The following ADGRE5 variants were observed in gnomAD, a reference collection of about 807,000 sequenced individuals.
ADGRE5 encodes the protein adhesion G protein-coupled receptor E5.
A neutral mutation model predicts 100.3 loss-of-function variants in ADGRE5; 72 were observed. That is an observed-to-expected ratio of 0.72 (90% CI 0.59 to 0.87). The LOEUF is 0.87. Ranked by LOEUF, ADGRE5 falls within the 40% of genes least tolerant of loss-of-function variation. The probability of loss-of-function intolerance (pLI) is 0.00; values close to 1 mark genes in which losing one functional copy is unlikely to be tolerated. For missense variants in ADGRE5, 959 were observed against 1,094.7 expected, an observed-to-expected ratio of 0.88 and a Z score of 1.75; for synonymous variants, 439 against 447.8, an observed-to-expected ratio of 0.98 and a Z score of 0.25.
At chr19:14,404,312 A>G in intron 12 of ADGRE5, 71 bp from the exon 13 acceptor site, 14 of 1,434,346 alleles carry the variant, frequency 9.8e-6, no homozygotes, top group Non-Finnish European at 1.2e-5. Context: ...GCCCTCTTAG[A>G]CTCAGCCCAA....
At position 14,390,949 on chromosome 19, in the gene ADGRE5, G is replaced by A. The variant is rs367810226; in HGVS notation, c.216G>A (p.Ser72=). 1.7e-5 allele frequency: 27 copies of A among 1,614,194 alleles called. No homozygotes were observed. The African/African-American group carries it at 2.7e-4, about 16-fold the overall frequency. ...ACATCAACGAGTGTGCAACACCGTCGAAAGTGTCATGCGGAAAATTCTCGG... is the reference window on the plus strand; with the variant it reads ...ACATCAACGAGTGTGCAACACCGTCAAAAGTGTCATGCGGAAAATTCTCGG... ...CDDINECATP[S]KVSCGKFSDC... Residue 72 remains serine, a synonymous_variant, in exon 4 of 20, where the codon TCG becomes TCA. Coordinates refer to ENST00000242786, the MANE Select transcript of ADGRE5 (RefSeq NM_078481.4).
At chr19:14,387,436 A>G (rs906114819) in intron 1 of ADGRE5, among the ~76,000 whole-genome samples, 4 of 152,084 alleles carry the variant, frequency 2.6e-5, no homozygotes, top group African/African-American at 9.7e-5. Context: ...TAATTTTTTG[A>G]ATTATTTTTA....
rs534111626 is a variant in ADGRE5, at chr19:14,397,337, C to T, written c.625+114C>T. ...GCTGGAGGCACCTGGCTGTGCCAGG[C>T]GTTCGTTCATTCTTCTGAGGCTAGA... On this transcript the variant is annotated intron_variant, in intron 6 of 19. Transcript: ENST00000242786. 1.4e-3 allele frequency: 2,081 copies of T among 1,527,704 alleles called. 1 individual carries two copies. Among genetic ancestry groups the T allele is most frequent in the Non-Finnish European group, 1.7e-3 (1,923 of 1,116,966 alleles). The allele number at this position is 1,527,704 out of a possible 1,614,324, so 94.6% of individuals were successfully genotyped here. A position where few individuals can be genotyped will look rare whatever the true frequency, so the allele number is the denominator to read the frequency against.
At chr19:14,398,250 C>T (rs1166545842) in intron 9 of ADGRE5, 111 bp downstream of exon 9, 1 of 906,536 alleles carries the variant, frequency 1.1e-6, no homozygotes, top group South Asian at 1.4e-5. Flanking sequence ...GTCAGAGACA[C>T]ACATGCGCAT....
chr19:14,388,603 C>A (rs2302091), intron 2 of ADGRE5, 99 bp from the exon 3 acceptor site: 6 of 1,605,428 alleles, frequency 3.7e-6, no homozygotes, highest in South Asian at 1.1e-5. Flanking sequence ...AGAGGGCTCG[C>A]GCACGAGAAA....
chr19:14,404,683 GC>G, intron 13 of ADGRE5, 121 bp downstream of exon 13: 1 of 948,738 alleles, frequency 1.1e-6, no homozygotes, highest in Non-Finnish European at 1.6e-6. Context: ...TGGTTGCACA[GC>G]CCAGGTGTCC....
chr19:14,392,668 C>T (rs1975641041), intron 4 of ADGRE5, among the ~76,000 whole-genome samples: 1 of 151,992 alleles, frequency 6.6e-6, no homozygotes, highest in African/African-American at 2.4e-5. Flanking sequence ...TCTGGGAGGC[C>T]GAGGCAGGTG....
At chr19:14,389,569 T>G (rs1202323025) in intron 3 of ADGRE5, among the ~76,000 whole-genome samples, 3 of 144,638 alleles carry the variant, frequency 2.1e-5, no homozygotes, top group Admixed American at 1.4e-4. Context: ...CTCCTCTCTA[T>G]ACTAAAAACA....
At position 14,408,709 on chromosome 19, in the gene ADGRE5, C is replaced by A; in HGVS notation, c.*588C>A. 2 of 581,384 alleles carry A rather than the reference C, an allele frequency of 3.4e-6. No homozygotes were observed. Among genetic ancestry groups the A allele is most frequent in the South Asian group, 2.9e-5 (1 of 34,964 alleles). 36.0% of individuals were successfully genotyped at this position (581,384 alleles called of 1,614,324 possible). ...TTCAGTGTTGACACTTAAAATTAAA[C>A]ACATGCATACAGAAGATGGCCTTGC... On this transcript the variant is annotated 3_prime_UTR_variant, in exon 20 of 20. Transcript: ENST00000242786.
In ADGRE5 at chr19:14,404,539, C is replaced by T; in HGVS notation, c.1606C>T (p.Leu536Phe). 1 of 1,613,136 alleles carries T rather than the reference C, an allele frequency of 6.2e-7. No individual in the cohort carries two copies. The highest frequency in any genetic ancestry group is 8.5e-7 in the Non-Finnish European group (1 of 1,179,622). ...QCSHLSSFAILMAHYDVEDWK... is the reference protein window; with the variant it reads ...QCSHLSSFAIFMAHYDVEDWK... ...CAGCCACCTGAGCAGCTTTGCGATC[C>T]TTATGGCTCATTATGACGTGGAGGT... is the stretch of plus-strand genomic sequence containing the variant. Residue 536 changes from leucine (L) to phenylalanine (F), a missense_variant, in exon 13 of 20, where the codon CTT becomes TTT. Around this residue, in one of 6 missense-constraint regions of ADGRE5, gnomAD observed 428 missense variants for 386.2 expected, o/e 1.11. Transcript: ENST00000242786.
rs754494293 is a variant in ADGRE5 at position 14,402,828 on chromosome 19, C to T, written c.1415C>T (p.Ser472Phe). The change falls in exon 12 of 20, where the codon TCC (serine) becomes TTC (phenylalanine). Residue 472 changes from serine (S) to phenylalanine (F), a missense_variant. Around this residue, in one of 6 missense-constraint regions of ADGRE5, gnomAD observed 246 missense variants for 242.2 expected, o/e 1.02. Transcript: ENST00000242786. ...TTCGCCTTCTCCCACCTTGAGTCCT[C>T]CGATGGGGAGGCGGGAAGAGACCCT... is the stretch of plus-strand genomic sequence containing the variant. ...ILFAFSHLES[S>F]DGEAGRDPPA... The T allele has an allele frequency of 1.7e-5, 27 of 1,613,914 alleles. No homozygotes were observed. The Admixed American group carries it at 3.2e-4, about 19-fold the overall frequency.
intron 3 of ADGRE5, 69 bp from the exon 4 acceptor site, chr19:14,390,855 G>A: frequency 6.4e-7 from 1 of 1,573,852 alleles, no homozygotes; most frequent in Non-Finnish European, 8.7e-7. Flanking sequence ...TGGGGAGTCA[G>A]GATGGGGGTC....
At chr19:14,384,974 C>A (rs1242850558) in intron 1 of ADGRE5, among the ~76,000 whole-genome samples, 3 of 110,530 alleles carry the variant, frequency 2.7e-5, no homozygotes, top group African/African-American at 1.0e-4. Context: ...TTGTTCTTTT[C>A]TTTTCTTTCT....
intron 4 of ADGRE5, among the ~76,000 whole-genome samples, chr19:14,394,799 G>A (rs1975716150): frequency 6.6e-6 from 1 of 152,136 alleles, no homozygotes; most frequent in Admixed American, 6.6e-5. Context: ...GGAATCTCAA[G>A]GACAGGACAA....
At chr19:14,388,349 C>A in intron 1 of ADGRE5, 101 bp from the exon 2 acceptor site, 2 of 1,528,384 alleles carry the variant, frequency 1.3e-6, no homozygotes, top group Admixed American at 4.0e-5. Context: ...GGATCTGAGC[C>A]TGAGAGGGGT....
At chr19:14,387,120 C>T (rs189760239) in intron 1 of ADGRE5, among the ~76,000 whole-genome samples, 2 of 152,150 alleles carry the variant, frequency 1.3e-5, no homozygotes, top group Admixed American at 6.5e-5. Flanking sequence ...CCCACACACA[C>T]TACACTGGGG....
intron 3 of ADGRE5, among the ~76,000 whole-genome samples, chr19:14,389,136 C>T (rs571709290): frequency 1.2e-4 from 9 of 75,300 alleles, no homozygotes; most frequent in Middle Eastern, 6.3e-3. Context: ...AGAATGAGAT[C>T]GTGTCTCAGG....
rs1025862144 is a variant in ADGRE5 at position 14,406,220 on chromosome 19, C to T, written c.1822-111C>T. The T allele has an allele frequency of 7.9e-6, 7 of 888,780 alleles. No homozygotes were observed. Among genetic ancestry groups the T allele is most frequent in the Middle Eastern group, 3.5e-4 (1 of 2,890 alleles). 55.1% of individuals were successfully genotyped at this position (888,780 alleles called of 1,614,324 possible). A position where few individuals can be genotyped will look rare whatever the true frequency, so the allele number is the denominator to read the frequency against. On this transcript the variant is annotated intron_variant, in intron 14 of 19. Transcript: ENST00000242786. This position sits in a 1 kb window ranked among gnomAD's most constrained non-coding sequence, Gnocchi z 6.0. ...CTGGCCCCCGCTCCAGACCCGCCCACCCTCCGGCTGTGGTCCCGCCCACTC... is the reference window on the plus strand; with the variant it reads ...CTGGCCCCCGCTCCAGACCCGCCCATCCTCCGGCTGTGGTCCCGCCCACTC...
chr19:14,382,721 T>C (rs1397395914), intron 1 of ADGRE5, among the ~76,000 whole-genome samples: 1 of 151,680 alleles, frequency 6.6e-6, no homozygotes, highest in African/African-American at 2.4e-5. Flanking sequence ...TTTTTTTTTT[T>C]TTTTTGAGAC....
Sources: allele counts gnomAD v4.1 joint callset (sites outside exome capture counted in the v4.1 genomes callset), GRCh38; gene constraint gnomAD v4.1.1; regional missense constraint gnomAD v4.1.1; non-coding constraint Gnocchi (gnomAD v3.1); transcripts MANE v1.5; gene names NCBI Gene and HGNC (gene_info 2026-07-23, HGNC 2026-07-21).